Variants in TRIM2 observed in about 807,000 individuals in gnomAD.
The protein encoded by TRIM2 is tripartite motif-containing protein 2.
Under a neutral mutation model 75.2 loss-of-function variants are expected in TRIM2, and 20 were observed. The observed-to-expected ratio is 0.27, with a 90% CI of 0.19 to 0.39. TRIM2 has a LOEUF of 0.39. Among genes scored for constraint, TRIM2 ranks in the 10% least tolerant of loss-of-function variants. TRIM2 has a pLI of 1.00. For missense variants in TRIM2, 660 were observed against 990.8 expected (o/e 0.67, Z 4.48); for synonymous variants, 373 against 388.3 (o/e 0.96, Z 0.46).
intron 3 of TRIM2, among the ~76,000 whole-genome samples, chr4:153,290,331 G>A (rs933500645): frequency 9.9e-5 from 15 of 152,266 alleles, no homozygotes; most frequent in East Asian, 3.9e-4. Flanking sequence ...CTGACACTGC[G>A]TATAGTTTTA....
At position 153,265,245 on chromosome 4, in the gene TRIM2, G is replaced by T. The variant is rs964371357; in HGVS notation, c.31-5090G>T. Among the ~76,000 whole-genome samples the T allele has an allele frequency of 5.3e-5, 8 of 151,254 alleles. No homozygotes were observed. The East Asian group carries it at 1.5e-3, about 29-fold the overall frequency. The stretch of plus-strand genomic sequence containing the variant: ...AGCATGGCTCTGATTATTTCAAAGG[G>T]TACTATGAAAAATTTCAAAAGCTAT... On this transcript the variant is annotated intron_variant, in intron 1 of 11. Transcript: ENST00000338700.
At chr4:153,316,923 C>T (rs558769770) in intron 8 of TRIM2, among the ~76,000 whole-genome samples, 2 of 123,570 alleles carry the variant, frequency 1.6e-5, no homozygotes, top group Non-Finnish European at 3.2e-5. Flanking sequence ...CTCTGTCACC[C>T]AGTCTGGAGT....
intron 6 of TRIM2, chr4:153,308,331 C>T: frequency 7.5e-7 from 1 of 1,327,584 alleles, no homozygotes; most frequent in Non-Finnish European, 1.1e-6. Flanking sequence ...CTTGTAGACT[C>T]TGTTAATTTC....
intron 1 of TRIM2, among the ~76,000 whole-genome samples, chr4:153,229,169 G>A (rs985674135): frequency 6.6e-6 from 1 of 152,114 alleles, no homozygotes; most frequent in African/African-American, 2.4e-5. Flanking sequence ...AAAGAAATTC[G>A]ATTTCTTAGG....
At chr4:153,269,233 G>A (rs1579182216) in intron 1 of TRIM2, among the ~76,000 whole-genome samples, 1 of 152,254 alleles carries the variant, frequency 6.6e-6, no homozygotes, top group East Asian at 1.9e-4. Context: ...ATACCATTTT[G>A]ACAAAGGACA....
chr4:153,176,536 GTAT>G (rs1168674380), intron 1 of TRIM2, among the ~76,000 whole-genome samples: 2 of 151,938 alleles, frequency 1.3e-5, no homozygotes, highest in Non-Finnish European at 2.9e-5. Flanking sequence ...AGAGTTCTCT[GTAT>G]TATTCTTGCA....
At chr4:153,162,232 A>C (rs1199563596) in intron 1 of TRIM2, among the ~76,000 whole-genome samples, 1 of 152,248 alleles carries the variant, frequency 6.6e-6, no homozygotes, top group Admixed American at 6.5e-5. Flanking sequence ...ATATACATAT[A>C]GATATATAGA....
intron 1 of TRIM2, among the ~76,000 whole-genome samples, chr4:153,223,215 C>G (rs1207443941): frequency 6.6e-6 from 1 of 152,148 alleles, no homozygotes; most frequent in African/African-American, 2.4e-5. Context: ...GCAACAGGGC[C>G]GCTGAGCAGC....
chr4:153,273,853 C>A (rs1034266892), intron 2 of TRIM2, among the ~76,000 whole-genome samples: 1 of 152,124 alleles, frequency 6.6e-6, no homozygotes, highest in South Asian at 2.1e-4. Context: ...ACGCAGAAAC[C>A]CCAATGATGA....
At chr4:153,306,954 A>G (rs189971826) in intron 6 of TRIM2, among the ~76,000 whole-genome samples, 2 of 152,354 alleles carry the variant, frequency 1.3e-5, no homozygotes, top group Admixed American at 1.3e-4. Flanking sequence ...TAAATTGCAC[A>G]ATGATTCCTC....
chr4:153,184,018 A>G (rs546384939), intron 1 of TRIM2, among the ~76,000 whole-genome samples: 1 of 152,134 alleles, frequency 6.6e-6, no homozygotes, highest in South Asian at 2.1e-4. Flanking sequence ...AGCACTACCC[A>G]AGAATGTAAT....
chr4:153,168,238 T>C (rs1178259395), intron 1 of TRIM2, among the ~76,000 whole-genome samples: 6 of 152,316 alleles, frequency 3.9e-5, no homozygotes, highest in East Asian at 1.9e-4. Flanking sequence ...CAAATGAGCA[T>C]ATAGAACTAA....
chr4:153,323,065 C>G (rs912527309), intron 9 of TRIM2, among the ~76,000 whole-genome samples: 13 of 152,072 alleles, frequency 8.5e-5, no homozygotes, highest in African/African-American at 3.1e-4. Flanking sequence ...ACTCAGAAGT[C>G]TAGCTTTGAA....
In TRIM2 at chr4:153,336,393, A is replaced by G. The variant is rs1025326369; in HGVS notation, c.*1427A>G. On this transcript the variant is annotated 3_prime_UTR_variant, in exon 12 of 12. Transcript: ENST00000338700. ...AACCACACACACACATAAAAAACCC[A>G]ACAGGTCAAAATAAAAGTTGAACTT... 1 of 984,834 alleles carries G rather than the reference A, an allele frequency of 1.0e-6. No individual in the cohort carries two copies. Among genetic ancestry groups the G allele is most frequent in the African/African-American group, 1.7e-5 (1 of 57,176 alleles). 61.0% of individuals were successfully genotyped at this position (984,834 alleles called of 1,614,324 possible). A position where few individuals can be genotyped will look rare whatever the true frequency, so the allele number is the denominator to read the frequency against.
intron 1 of TRIM2, among the ~76,000 whole-genome samples, chr4:153,170,459 G>T (rs1333780817): frequency 6.6e-6 from 1 of 152,132 alleles, no homozygotes; most frequent in Non-Finnish European, 1.5e-5. Flanking sequence ...GGGTGGTATT[G>T]GGGGTGGCGG....
intron 6 of TRIM2, among the ~76,000 whole-genome samples, chr4:153,313,623 G>C (rs1021960361): frequency 1.4e-5 from 2 of 144,056 alleles, no homozygotes; most frequent in Admixed American, 6.9e-5. Flanking sequence ...AAATAGCAAT[G>C]GCTCTTTTTT....
chr4:153,290,256 A>G (rs573603416), intron 3 of TRIM2, among the ~76,000 whole-genome samples: 2 of 152,250 alleles, frequency 1.3e-5, no homozygotes, highest in African/African-American at 4.8e-5. Context: ...TGGATTAAGA[A>G]TTTTTTTCTA....
At chr4:153,176,901 G>A (rs747970728) in intron 1 of TRIM2, among the ~76,000 whole-genome samples, 3 of 152,284 alleles carry the variant, frequency 2.0e-5, no homozygotes, top group Non-Finnish European at 1.5e-5. Context: ...GTGAGCCACC[G>A]CACCTAGCCT....
At chr4:153,211,486 T>C (rs1325969627) in intron 1 of TRIM2, among the ~76,000 whole-genome samples, 1 of 138,458 alleles carries the variant, frequency 7.2e-6, no homozygotes, top group Admixed American at 7.1e-5. Context: ...TTTTTTCTTT[T>C]TCTTTTTTTT....
Sources: allele counts gnomAD v4.1 joint callset (sites outside exome capture counted in the v4.1 genomes callset), GRCh38; gene constraint gnomAD v4.1.1; transcripts MANE v1.5; gene names NCBI Gene and HGNC (gene_info 2026-07-23, HGNC 2026-07-21).